The following ARMH3 variants were observed in gnomAD, a reference collection of about 807,000 sequenced individuals.
The protein encoded by ARMH3 is armadillo-like helical domain-containing protein 3.
ARMH3 carries 60 observed loss-of-function variants against 99.1 expected under a neutral mutation model. That is an observed-to-expected ratio of 0.61 (90% CI 0.49 to 0.75). The LOEUF is 0.75. ARMH3 is among the 30% of genes least tolerant of loss of function. The pLI, the probability that ARMH3 is intolerant of heterozygous loss-of-function variation, is 0.00. For synonymous variants in ARMH3, 285 were observed against 292.8 expected, an observed-to-expected ratio of 0.97 and a Z score of 0.27; for missense variants, 679 against 843.1, an observed-to-expected ratio of 0.81 and a Z score of 2.41.
At chr10:102,006,997 C>T (rs968915278) in intron 13 of ARMH3, among the ~76,000 whole-genome samples, 1 of 151,416 alleles carries the variant, frequency 6.6e-6, no homozygotes, top group Non-Finnish European at 1.5e-5. Flanking sequence ...CCCGTCTCTA[C>T]TAAAATACAA....
intron 20 of ARMH3, 78 bp from the exon 21 acceptor site, chr10:101,957,810 T>TA (rs917172561): frequency 1.0e-5 from 15 of 1,484,298 alleles, no homozygotes; most frequent in East Asian, 2.5e-5. Context: ...AGACTAGCTC[T>TA]AAAAAAAATC....
chr10:101,864,278 CTTT>C, intron 24 of ARMH3, among the ~76,000 whole-genome samples: 1 of 152,280 alleles, frequency 6.6e-6, no homozygotes, highest in Admixed American at 6.5e-5. Flanking sequence ...AACAGGAACA[CTTT>C]TACACTGTTG....
intron 1 of ARMH3, among the ~76,000 whole-genome samples, chr10:102,049,147 C>T (rs2067629485): frequency 6.6e-6 from 1 of 152,156 alleles, no homozygotes; most frequent in Non-Finnish European, 1.5e-5. Context: ...GGACAGGTTC[C>T]CCCACTTCCA....
At chr10:101,896,411 C>A (rs1339138260) in intron 23 of ARMH3, among the ~76,000 whole-genome samples, 1 of 152,094 alleles carries the variant, frequency 6.6e-6, no homozygotes, top group African/African-American at 2.4e-5. Flanking sequence ...TTGCTTAGGG[C>A]TACAAGGAGG....
chr10:101,945,320 GC>G (rs1273910328), intron 22 of ARMH3, among the ~76,000 whole-genome samples: 1 of 152,174 alleles, frequency 6.6e-6, no homozygotes, highest in Non-Finnish European at 1.5e-5. Flanking sequence ...AGTGCCTCGT[GC>G]CTGCCATCCC....
rs1843901256 is a variant in ARMH3, at chr10:101,935,173, C to CT, written c.1781+4689_1781+4690insA. 2.4e-3 allele frequency among the ~76,000 whole-genome samples: 160 copies of CT among 67,838 alleles called. 2 individuals carry two copies. The highest frequency in any genetic ancestry group is 0.013 in the African/African-American group (142 of 11,216). 44.5% of individuals were successfully genotyped at this position (67,838 alleles called of 152,430 possible). A position where few individuals can be genotyped will look rare whatever the true frequency, so the allele number is the denominator to read the frequency against. ...AAGAAGCGGAATCTCAAAGGTGGAG[C>CT]AATATATATATATATATATATATAT... On this transcript the variant is annotated intron_variant, in intron 23 of 25. Coordinates refer to ENST00000370033, the MANE Select transcript of ARMH3 (RefSeq NM_024541.3).
Position 101,847,715 on chromosome 10 carries a change from C to T in ARMH3, c.1978-95G>A, listed in dbSNP as rs144748587. On this transcript the variant is annotated intron_variant, in intron 25 of 25. Transcript: ENST00000370033. ...ACGGCAGAGGACAGTGCCTGCTACA[C>T]GGGGCACTAGAAGTCTCTCTCTTAG... 1.3e-3 allele frequency: 1,430 copies of T among 1,087,370 alleles called. 9 individuals carry two copies. The highest frequency in any genetic ancestry group is 6.7e-4 in the Non-Finnish European group (476 of 705,612). 67.4% of individuals were successfully genotyped at this position (1,087,370 alleles called of 1,614,324 possible).
chr10:102,004,805 C>A (rs2066444226), intron 14 of ARMH3, among the ~76,000 whole-genome samples: 1 of 152,168 alleles, frequency 6.6e-6, no homozygotes, highest in East Asian at 1.9e-4. Context: ...CATGGTGGCT[C>A]ATGGGTGTAA....
rs1693508044 is a variant in ARMH3, at chr10:102,023,722, T to C, written c.535A>G (p.Ile179Val). 7 of 1,613,926 alleles carry C rather than the reference T, an allele frequency of 4.3e-6. No homozygotes were observed. Among genetic ancestry groups the C allele is most frequent in the Non-Finnish European group, 5.9e-6 (7 of 1,179,900 alleles). ...CTGTTGATCATTACATACTCGAGAA[T>C]AGTGTTCTGGCTGATGTTATCTGTC... is the stretch of plus-strand genomic sequence containing the variant. ...TVTDNISQNT[I>V]LEYVMINSIF... is the part of the protein sequence containing the mutation. Residue 179 changes from isoleucine (I) to valine (V), a missense_variant, in exon 7 of 26, where the codon ATT becomes GTT. Transcript: ENST00000370033.
chr10:101,977,947 T>C (rs1037547812), intron 19 of ARMH3, among the ~76,000 whole-genome samples: 15 of 152,244 alleles, frequency 9.9e-5, no homozygotes, highest in African/African-American at 3.1e-4. Context: ...AATTTTTCAG[T>C]CTCAGGTATT....
intron 19 of ARMH3, among the ~76,000 whole-genome samples, chr10:101,985,181 AATAT>A (rs202246930): frequency 6.8e-6 from 1 of 147,876 alleles, no homozygotes; most frequent in Non-Finnish European, 1.5e-5. Flanking sequence ...CACATATATG[AATAT>A]ATATGTGTGT....
At chr10:101,867,338 A>G (rs1186656157) in intron 24 of ARMH3, among the ~76,000 whole-genome samples, 1 of 152,160 alleles carries the variant, frequency 6.6e-6, no homozygotes, top group Non-Finnish European at 1.5e-5. Context: ...CCATGACCCC[A>G]CGAATTCAGC....
chr10:101,905,788 A>C (rs2068087310), intron 23 of ARMH3, among the ~76,000 whole-genome samples: 1 of 152,226 alleles, frequency 6.6e-6, no homozygotes. Flanking sequence ...TTCCTAATGA[A>C]ATATTTCAGA....
chr10:101,856,634 G>A (rs1186220095), intron 24 of ARMH3, among the ~76,000 whole-genome samples: 4 of 152,048 alleles, frequency 2.6e-5, no homozygotes, highest in Non-Finnish European at 1.5e-5. Context: ...AGGAAAAAAA[G>A]ATAAAAAGGC....
intron 25 of ARMH3, among the ~76,000 whole-genome samples, 161 bp from the exon 26 acceptor site, chr10:101,847,781 A>T (rs766927922): frequency 6.6e-6 from 1 of 152,220 alleles, no homozygotes. Flanking sequence ...CAGGCAAATG[A>T]GCAAACAGTT....
chr10:102,038,127 C>T (rs1162300467), intron 2 of ARMH3, among the ~76,000 whole-genome samples: 2 of 138,324 alleles, frequency 1.4e-5, no homozygotes, highest in South Asian at 4.7e-4. Context: ...TGGAGTCTCG[C>T]TCTGTCGCCC....
intron 16 of ARMH3, among the ~76,000 whole-genome samples, chr10:101,994,723 G>A (rs972411392): frequency 7.2e-5 from 11 of 152,056 alleles, no homozygotes; most frequent in African/African-American, 2.7e-4. Flanking sequence ...CAGGAAACCT[G>A]AGCTCCTTTT....
intron 19 of ARMH3, among the ~76,000 whole-genome samples, chr10:101,978,533 C>T (rs1846101018): frequency 6.6e-6 from 1 of 152,150 alleles, no homozygotes; most frequent in Non-Finnish European, 1.5e-5. Context: ...TGCAGTGGCT[C>T]ACATCTGTAA....
intron 11 of ARMH3, 69 bp downstream of exon 11, chr10:102,011,654 G>T: frequency 7.5e-7 from 1 of 1,336,506 alleles, no homozygotes. Flanking sequence ...TTCGGAGCCC[G>T]ATTTGTCCAC....
Sources: gnomAD v4.1 joint callset for allele counts (sites outside exome capture counted in the v4.1 genomes callset) on GRCh38, gnomAD v4.1.1 for gene constraint, MANE v1.5 for transcripts, NCBI Gene and HGNC (gene_info 2026-07-23, HGNC 2026-07-21) for gene names.